The following CSNK1G1 variants were observed in gnomAD, a reference collection of about 807,000 sequenced individuals.
CSNK1G1 encodes the protein casein kinase 1 gamma 1.
A neutral mutation model predicts 59.6 loss-of-function variants in CSNK1G1; 22 were observed. The ratio of observed to expected loss-of-function variants is 0.37; its 90% CI spans 0.26 to 0.53. The LOEUF is 0.53. Among genes scored for constraint, CSNK1G1 ranks in the 20% least tolerant of loss-of-function variants. The pLI is 0.89. For missense variants in CSNK1G1, 384 were observed against 519.5 expected (o/e 0.74, Z 2.54); for synonymous variants, 179 against 177.1 (o/e 1.01, Z -0.08).
At position 64,198,407 on chromosome 15, in the gene CSNK1G1, T is replaced by C. The variant is rs146334799; in HGVS notation, c.1107+4675A>G. Among the ~76,000 whole-genome samples the C allele has an allele frequency of 4.4e-3, 674 of 151,952 alleles. 5 individuals are homozygous for C. The highest frequency in any genetic ancestry group is 0.015 in the African/African-American group (626 of 41,422). ...TTTTAGTAGAGATGGGGTTTCACCATGTTGGCCAGGCTGGTCTCGAACTCC... is the reference window on the plus strand; with the variant it reads ...TTTTAGTAGAGATGGGGTTTCACCACGTTGGCCAGGCTGGTCTCGAACTCC... On this transcript the variant is annotated intron_variant, in intron 10 of 11. Transcript: ENST00000303052.
chr15:64,186,635 T>C (rs951638566), intron 10 of CSNK1G1, among the ~76,000 whole-genome samples: 48 of 151,956 alleles, frequency 3.2e-4, no homozygotes, highest in Admixed American at 2.3e-3. Context: ...TAAGCCTTCC[T>C]GGCAGCCAGG....
At chr15:64,242,680 C>G (rs1308013210) in intron 4 of CSNK1G1, among the ~76,000 whole-genome samples, 1 of 152,162 alleles carries the variant, frequency 6.6e-6, no homozygotes, top group African/African-American at 2.4e-5. Flanking sequence ...AATATAAATT[C>G]TTCTAAAACA....
At chr15:64,305,163 T>G (rs747033675) in intron 1 of CSNK1G1, among the ~76,000 whole-genome samples, 3 of 152,170 alleles carry the variant, frequency 2.0e-5, no homozygotes, top group Non-Finnish European at 4.4e-5. Flanking sequence ...TACCAACATC[T>G]GTCATTCCAA....
At chr15:64,180,284 G>C (rs1476941215) in intron 11 of CSNK1G1, 64 bp downstream of exon 11, 3 of 1,156,612 alleles carry the variant, frequency 2.6e-6, no homozygotes, top group South Asian at 1.2e-5. Context: ...AGCACACAGA[G>C]AGGAAGAGAC....
At chr15:64,351,128 T>C (rs1321671820) in intron 1 of CSNK1G1, among the ~76,000 whole-genome samples, 2 of 152,144 alleles carry the variant, frequency 1.3e-5, no homozygotes, top group East Asian at 3.8e-4. Flanking sequence ...TTTATCCTTA[T>C]TAGAGACTAA....
At chr15:64,288,917 G>A (rs1566934921) in intron 2 of CSNK1G1, among the ~76,000 whole-genome samples, 2 of 152,068 alleles carry the variant, frequency 1.3e-5, no homozygotes, top group Non-Finnish European at 1.5e-5. Context: ...GCTCATGCCT[G>A]TAATCCCAGG....
intron 2 of CSNK1G1, among the ~76,000 whole-genome samples, chr15:64,299,109 C>T (rs567395391): frequency 1.4e-4 from 22 of 152,184 alleles, no homozygotes; most frequent in African/African-American, 3.9e-4. Flanking sequence ...ACCACTCCCC[C>T]CAAAGGGCCA....
At chr15:64,217,234 C>T (rs2082323439) in intron 4 of CSNK1G1, among the ~76,000 whole-genome samples, 1 of 152,218 alleles carries the variant, frequency 6.6e-6, no homozygotes, top group African/African-American at 2.4e-5. Context: ...GCCAGCACAA[C>T]TGGCCCTCTT....
At chr15:64,333,839 A>G (rs1418744037) in intron 1 of CSNK1G1, among the ~76,000 whole-genome samples, 2 of 152,236 alleles carry the variant, frequency 1.3e-5, no homozygotes, top group Admixed American at 1.3e-4. Flanking sequence ...GGATCAATTT[A>G]ACAAGATTTT....
intron 2 of CSNK1G1, among the ~76,000 whole-genome samples, chr15:64,279,483 G>A (rs1894002046): frequency 6.6e-6 from 1 of 151,900 alleles, no homozygotes; most frequent in Admixed American, 6.6e-5. Context: ...ATTACTAGAT[G>A]GTATTCCATT....
intron 10 of CSNK1G1, among the ~76,000 whole-genome samples, chr15:64,191,413 T>C (rs1032337040): frequency 6.6e-6 from 1 of 152,168 alleles, no homozygotes. Flanking sequence ...TGTATGTTCA[T>C]GTATACTCAT....
chr15:64,179,855 G>A (rs766249318), intron 11 of CSNK1G1, among the ~76,000 whole-genome samples: 2 of 152,182 alleles, frequency 1.3e-5, no homozygotes, highest in African/African-American at 4.8e-5. Flanking sequence ...CACAGATGCA[G>A]ACTATAATAT....
chr15:64,284,064 A>G (rs193110670), intron 2 of CSNK1G1, among the ~76,000 whole-genome samples: 54 of 152,220 alleles, frequency 3.5e-4, no homozygotes, highest in African/African-American at 1.3e-3. Flanking sequence ...GTGGCTATCC[A>G]GTTGTCCCAA....
At position 64,338,544 on chromosome 15, in the gene CSNK1G1, T is replaced by A. The variant is rs187167049; in HGVS notation, c.-225+17444A>T. Among the ~76,000 whole-genome samples, 632 of 149,280 alleles carry A rather than the reference T, an allele frequency of 4.2e-3. 8 individuals carry two copies. Among genetic ancestry groups the A allele is most frequent in the African/African-American group, 0.015 (620 of 40,482 alleles). Reference sequence around the variant, plus strand: ...GAGAAACTCCCATCTCTACTAAAAATACAAAATTAGCTGGGTGTGGTGGTA... The same window carrying A: ...GAGAAACTCCCATCTCTACTAAAAAAACAAAATTAGCTGGGTGTGGTGGTA... On this transcript the variant is annotated intron_variant, in intron 1 of 11. Coordinates refer to ENST00000303052, the MANE Select transcript of CSNK1G1 (RefSeq NM_022048.5).
chr15:64,338,717 A>AC (rs1463810160), intron 1 of CSNK1G1, among the ~76,000 whole-genome samples: 5 of 135,992 alleles, frequency 3.7e-5, no homozygotes, highest in Admixed American at 7.4e-5. Flanking sequence ...AAAAAAAAAA[A>AC]AAAAAAAAAA....
At chr15:64,297,061 A>G (rs1895065443) in intron 2 of CSNK1G1, among the ~76,000 whole-genome samples, 1 of 148,252 alleles carries the variant, frequency 6.7e-6, no homozygotes, top group Admixed American at 6.9e-5. Context: ...CCTATTCATC[A>G]GCTTTTTATC....
intron 10 of CSNK1G1, among the ~76,000 whole-genome samples, chr15:64,191,116 C>G (rs1335000127): frequency 6.6e-6 from 1 of 152,140 alleles, no homozygotes; most frequent in Non-Finnish European, 1.5e-5. Context: ...GGCTGGAGTG[C>G]AGTGGCACGA....
intron 2 of CSNK1G1, among the ~76,000 whole-genome samples, chr15:64,281,717 G>T (rs1894145673): frequency 6.6e-6 from 1 of 151,624 alleles, no homozygotes; most frequent in Non-Finnish European, 1.5e-5. Flanking sequence ...GCGAGCGCCT[G>T]TAATCTCTGC....
intron 2 of CSNK1G1, among the ~76,000 whole-genome samples, chr15:64,267,149 T>C (rs1324101846): frequency 6.7e-6 from 1 of 149,838 alleles, no homozygotes; most frequent in Non-Finnish European, 1.5e-5. Context: ...CCCAGTTACT[T>C]GGGAGGCTGA....
Sources: allele counts gnomAD v4.1 joint callset (sites outside exome capture counted in the v4.1 genomes callset), GRCh38; gene constraint gnomAD v4.1.1; transcripts MANE v1.5; gene names NCBI Gene and HGNC (gene_info 2026-07-23, HGNC 2026-07-21).